EFCAB7: variants seen among roughly 807,000 people sequenced by gnomAD.
EFCAB7 encodes the protein EF-hand calcium-binding domain-containing protein 7.
In EFCAB7, 66 loss-of-function variants were observed where a neutral mutation model predicts 77.1. The observed-to-expected ratio is 0.86, with a 90% CI of 0.70 to 1.05. EFCAB7 has a LOEUF of 1.05. Among genes scored for constraint, EFCAB7 ranks in the 50% least tolerant of loss-of-function variants. The pLI is 0.00. For missense variants in EFCAB7, 638 were observed against 730.5 expected (o/e 0.87, Z 1.46); for synonymous variants, 225 against 243.3 (o/e 0.92, Z 0.70).
At chr1:63,560,804 G>A (rs1053424091) in intron 10 of EFCAB7, among the ~76,000 whole-genome samples, 2 of 152,134 alleles carry the variant, frequency 1.3e-5, no homozygotes, top group African/African-American at 4.8e-5. Flanking sequence ...TTACAGGCGT[G>A]AGCCACCGTG....
intron 6 of EFCAB7, among the ~76,000 whole-genome samples, chr1:63,544,921 C>CTTT (rs34798915): frequency 1.4e-5 from 2 of 138,258 alleles, no homozygotes; most frequent in Non-Finnish European, 3.1e-5. Flanking sequence ...TCTTTTCTTT[C>CTTT]TTTTTTTTTT....
At chr1:63,531,740 TA>T in intron 2 of EFCAB7, 79 bp from the exon 3 acceptor site, 1 of 1,172,386 alleles carries the variant, frequency 8.5e-7, no homozygotes, top group Non-Finnish European at 1.2e-6. Context: ...TCATAATACA[TA>T]ATGATTTGAA....
At chr1:63,575,902 T>C (rs1440847447), downstream of EFCAB7, among the ~76,000 whole-genome samples, 1 of 152,128 alleles carries the variant, frequency 6.6e-6, no homozygotes, top group Non-Finnish European at 1.5e-5. Context: ...CCATTCTTAT[T>C]AGAGAACATA....
intron 11 of EFCAB7, among the ~76,000 whole-genome samples, chr1:63,566,671 C>A (rs1647177013): frequency 6.6e-6 from 1 of 151,750 alleles, no homozygotes; most frequent in Admixed American, 6.6e-5. Flanking sequence ...ACAAATAAAC[C>A]TTTAAAAATG....
intron 6 of EFCAB7, among the ~76,000 whole-genome samples, chr1:63,545,091 G>C (rs895637953): frequency 6.6e-6 from 1 of 150,942 alleles, no homozygotes; most frequent in Non-Finnish European, 1.5e-5. Context: ...GCTAAATTTT[G>C]TATTTTTAGT....
At chr1:63,539,638 G>A (rs1356639270) in intron 6 of EFCAB7, among the ~76,000 whole-genome samples, 1 of 152,036 alleles carries the variant, frequency 6.6e-6, no homozygotes, top group African/African-American at 2.4e-5. Flanking sequence ...TTATTTTTCA[G>A]ACTTTTTTGT....
chr1:63,573,197 C>T (rs116031205), downstream of EFCAB7, among the ~76,000 whole-genome samples: 68 of 151,968 alleles, frequency 4.5e-4, no homozygotes, highest in Non-Finnish European at 6.6e-4. Flanking sequence ...GAGATAATGC[C>T]GGGTGATATT....
At chr1:63,555,218 A>G in intron 8 of EFCAB7, 140 bp from the exon 9 acceptor site, 1 of 924,866 alleles carries the variant, frequency 1.1e-6, no homozygotes, top group South Asian at 2.4e-5. Context: ...AAAGACTGAT[A>G]GGACTATAAT....
chr1:63,552,979 T>C (rs1413499443), intron 8 of EFCAB7, among the ~76,000 whole-genome samples: 1 of 146,866 alleles, frequency 6.8e-6, no homozygotes, highest in Non-Finnish European at 1.5e-5. Flanking sequence ...TACTCTCTTA[T>C]GAGATTGCAT....
chr1:63,530,655 TATA>T (rs1646679092), intron 2 of EFCAB7, among the ~76,000 whole-genome samples: 1 of 152,204 alleles, frequency 6.6e-6, no homozygotes, highest in Admixed American at 6.5e-5. Flanking sequence ...ATAGCATCTC[TATA>T]ATAATCTTCT....
rs368705530 is a variant in EFCAB7, at chr1:63,571,008, C to G, written c.1708-13C>G. 1 of 1,567,368 alleles carries G rather than the reference C, an allele frequency of 6.4e-7. No homozygotes were observed. Among genetic ancestry groups the G allele is most frequent in the Non-Finnish European group, 8.7e-7 (1 of 1,149,894 alleles). On this transcript the variant is annotated splice_polypyrimidine_tract_variant and intron_variant, in intron 12 of 13. Coordinates refer to ENST00000371088, the MANE Select transcript of EFCAB7 (RefSeq NM_032437.4). ...AGAAAGGAATAGCAGCTTATGAAAT[C>G]TTTTTTTAATAGTCAGATGAGAAAG...
In EFCAB7 at chr1:63,555,512, TTAAG is replaced by T; in HGVS notation, c.1214+3_1214+6del. 6.2e-7 allele frequency: 1 copy of T among 1,610,502 alleles called. No individual in the cohort carries two copies. Among genetic ancestry groups the T allele is most frequent in the Non-Finnish European group, 8.5e-7 (1 of 1,177,924 alleles). On this transcript the variant is annotated splice_donor_variant and coding_sequence_variant, in exon 9 of 14. Coordinates refer to ENST00000371088, the MANE Select transcript of EFCAB7 (RefSeq NM_032437.4). LOFTEE classifies it high-confidence loss of function. ...GGGGAATTATTCCTTACAAAGGAAT[TTAAG>T]TAAGTTTTGTTTATTAATGTTAGAA... is the stretch of plus-strand genomic sequence containing the variant.
downstream of EFCAB7, among the ~76,000 whole-genome samples, chr1:63,574,686 C>T (rs185958954): frequency 4.6e-5 from 7 of 152,194 alleles, no homozygotes; most frequent in Non-Finnish European, 8.8e-5. Context: ...GGAAGTAAAG[C>T]GGCTTTGAGA....
At chr1:63,525,451 G>T in intron 1 of EFCAB7, 121 bp from the exon 2 acceptor site, 2 of 727,234 alleles carry the variant, frequency 2.8e-6, no homozygotes, top group Non-Finnish European at 4.2e-6. Flanking sequence ...TTTCATATAT[G>T]TTATAAATTT....
intron 8 of EFCAB7, 113 bp from the exon 9 acceptor site, chr1:63,555,245 G>A (rs1363815297): frequency 1.6e-6 from 2 of 1,218,744 alleles, no homozygotes; most frequent in Non-Finnish European, 2.3e-6. Context: ...TGTAAATATT[G>A]ATTTAAAAAT....
chr1:63,560,400 A>G (rs1347903457), intron 10 of EFCAB7, among the ~76,000 whole-genome samples: 1 of 152,040 alleles, frequency 6.6e-6, no homozygotes, highest in Non-Finnish European at 1.5e-5. Context: ...CATCGTTTCT[A>G]CATAGTAGCT....
chr1:63,533,581 C>T lies in EFCAB7; in HGVS notation c.614C>T (p.Pro205Leu). Residue 205 changes from proline (P) to leucine (L), a missense_variant, in exon 5 of 14, where the codon CCA (proline) becomes CTA (leucine). Transcript: ENST00000371088. ...ATCGAAGGGTCCCCTGAAAGGGACC[C>T]ATCACCAGTACCAAAACCATCACCT... is the stretch of plus-strand genomic sequence containing the variant. ...NHIEGSPERD[P>L]SPVPKPSPKI... The T allele has an allele frequency of 6.2e-7, 1 of 1,609,614 alleles. No homozygotes were observed. Among genetic ancestry groups the T allele is most frequent in the East Asian group, 2.2e-5 (1 of 44,822 alleles).
At chr1:63,558,824 G>A (rs1375227566) in intron 10 of EFCAB7, among the ~76,000 whole-genome samples, 11 of 151,538 alleles carry the variant, frequency 7.3e-5, no homozygotes, top group Admixed American at 4.6e-4. Context: ...GTGCAGTGGC[G>A]TGATCTCGGC....
downstream of EFCAB7, among the ~76,000 whole-genome samples, chr1:63,574,558 G>A (rs1442048973): frequency 3.9e-5 from 6 of 152,154 alleles, no homozygotes; most frequent in Admixed American, 1.3e-4. Flanking sequence ...TGAGCAATGG[G>A]ATCTGATGCC....
Sources: allele counts gnomAD v4.1 joint callset (sites outside exome capture counted in the v4.1 genomes callset), GRCh38; gene constraint gnomAD v4.1.1; transcripts MANE v1.5; gene names NCBI Gene and HGNC (gene_info 2026-07-23, HGNC 2026-07-21).